The following RYR3 variants were observed in gnomAD, a reference collection of about 807,000 sequenced individuals.
RYR3 encodes ryanodine receptor 3.
In RYR3, 207 loss-of-function variants were observed where a neutral mutation model predicts 584.3. The ratio of observed to expected loss-of-function variants is 0.35; its 90% CI spans 0.32 to 0.40. RYR3 has a LOEUF of 0.40. Among genes scored for constraint, RYR3 ranks in the 10% least tolerant of loss-of-function variants. The pLI, the probability that RYR3 is intolerant of heterozygous loss-of-function variation, is 1.00. For synonymous variants in RYR3, 2,416 were observed against 2,248.5 expected (o/e 1.07, Z -2.11); for missense variants, 5,616 against 6,089.2 (o/e 0.92, Z 2.59).
chr15:33,344,046 T>G (rs1972141012), intron 1 of RYR3, among the ~76,000 whole-genome samples: 2 of 152,212 alleles, frequency 1.3e-5, no homozygotes, highest in Non-Finnish European at 1.5e-5. Flanking sequence ...GTCGCAAGCT[T>G]AAATTCAAAA....
In RYR3 at chr15:33,660,418, G is replaced by A; in HGVS notation, c.4617G>A (p.Glu1539=). The A allele has an allele frequency of 6.4e-7, 1 of 1,558,800 alleles. No homozygotes were observed. The highest frequency in any genetic ancestry group is 8.7e-7 in the Non-Finnish European group (1 of 1,150,652). The part of the protein sequence containing the change: ...LQMMALHIPE[E]NRCVDILELC... ...TGATGGCGCTCCACATCCCCGAGGA[G>A]AACAGGTACCAGAGGGGCCCGCGAA... The change falls in exon 34 of 104, where the codon GAG becomes GAA. Residue 1539 remains glutamate (E), a synonymous_variant. Transcript: ENST00000634891.
rs2058510034 is a variant in RYR3, at chr15:33,579,992, G to A, written c.1285G>A (p.Ala429Thr). 6.2e-7 allele frequency: 1 copy of A among 1,611,426 alleles called. No homozygotes were observed. The highest frequency in any genetic ancestry group is 8.5e-7 in the Non-Finnish European group (1 of 1,178,736). Residue 429 changes from alanine (A) to threonine (T), a missense_variant, in exon 13 of 104, where the codon GCT (alanine) becomes ACT (threonine). Coordinates refer to ENST00000634891, the MANE Select transcript of RYR3 (RefSeq NM_001036.6). ...SQFVSGNNRT[A>T]APITLPIEEV... ...GGTTTTTAGCGGAAACAATCGCACA[G>A]CTGCCCCCATCACCCTGCCTATAGA...
chr15:33,814,186 A>G (rs1165568435), intron 74 of RYR3, among the ~76,000 whole-genome samples: 1 of 152,208 alleles, frequency 6.6e-6, no homozygotes, highest in Non-Finnish European at 1.5e-5. Flanking sequence ...CCTTGTCAAC[A>G]TAGGGAATAG....
intron 11 of RYR3, among the ~76,000 whole-genome samples, chr15:33,564,771 A>AT (rs1225960710): frequency 2.6e-5 from 4 of 152,292 alleles, no homozygotes; most frequent in African/African-American, 9.6e-5. Flanking sequence ...TTCTAGGACC[A>AT]TAGCCCGCAG....
intron 1 of RYR3, among the ~76,000 whole-genome samples, chr15:33,357,830 C>T (rs1974191875): frequency 6.6e-6 from 1 of 152,188 alleles, no homozygotes; most frequent in South Asian, 2.1e-4. Context: ...CCAGCAGTCA[C>T]CAGCGAGCCT....
At chr15:33,744,430 C>T (rs1470400590) in intron 52 of RYR3, among the ~76,000 whole-genome samples, 2 of 152,156 alleles carry the variant, frequency 1.3e-5, no homozygotes, top group Non-Finnish European at 2.9e-5. Context: ...TACCAGGCGG[C>T]GCTGATTATC....
intron 16 of RYR3, among the ~76,000 whole-genome samples, chr15:33,587,249 C>T (rs578250847): frequency 1.3e-5 from 2 of 152,334 alleles, no homozygotes; most frequent in South Asian, 2.1e-4. Flanking sequence ...AGATTCTCTG[C>T]GTTCCAACAT....
rs751710190 is a variant in RYR3 at position 33,819,770 on chromosome 15, A to G, written c.10721A>G (p.Asp3574Gly). ...ATTCTTTCCAGCAAATTGGAAGACGACCCTTTGTACACCTCCTATTCCAGC... is the reference window on the plus strand; with the variant it reads ...ATTCTTTCCAGCAAATTGGAAGACGGCCCTTTGTACACCTCCTATTCCAGC... ...ALTERSKLED[D>G]PLYTSYSSMM... The change falls in exon 77 of 104, where the codon GAC becomes GGC. Residue 3574 changes from aspartate (D) to glycine (G), a missense_variant. By Grantham distance (94) the Asp-to-Gly change is moderately conservative. Transcript: ENST00000634891. The G allele has an allele frequency of 6.5e-7, 1 of 1,542,942 alleles. No homozygotes were observed. Among genetic ancestry groups the G allele is most frequent in the South Asian group, 1.3e-5 (1 of 74,842 alleles).
At chr15:33,663,032 G>A in intron 35 of RYR3, 84 bp downstream of exon 35, 1 of 1,285,888 alleles carries the variant, frequency 7.8e-7, no homozygotes. Flanking sequence ...AGGATTAAAG[G>A]AGGTAAGGTA....
chr15:33,462,099 T>C (rs1363467382), intron 1 of RYR3, among the ~76,000 whole-genome samples: 1 of 152,224 alleles, frequency 6.6e-6, no homozygotes, highest in African/African-American at 2.4e-5. Flanking sequence ...TTGGAAACAC[T>C]TATTTTGCCT....
At chr15:33,860,724 T>TAAAC in intron 101 of RYR3, 65 bp downstream of exon 101, 1 of 1,229,824 alleles carries the variant, frequency 8.1e-7, no homozygotes, top group Non-Finnish European at 1.2e-6. Flanking sequence ...ATAGATTTTT[T>TAAAC]AAACAATAGG....
chr15:33,611,111 G>T (rs564006224), intron 18 of RYR3, among the ~76,000 whole-genome samples: 1 of 152,132 alleles, frequency 6.6e-6, no homozygotes, highest in Admixed American at 6.5e-5. Context: ...ATATCCATCA[G>T]GTGGGGATTT....
intron 3 of RYR3, among the ~76,000 whole-genome samples, chr15:33,515,564 A>G (rs1161840846): frequency 3.9e-5 from 6 of 152,144 alleles, no homozygotes; most frequent in African/African-American, 9.7e-5. Context: ...ACTTCTTACT[A>G]TGTCTTTCCC....
At chr15:33,494,690 T>G (rs2051264525) in intron 2 of RYR3, among the ~76,000 whole-genome samples, 1 of 152,214 alleles carries the variant, frequency 6.6e-6, no homozygotes, top group African/African-American at 2.4e-5. Context: ...GCTATAAGTT[T>G]AAATTTTCTG....
chr15:33,503,508 C>A, intron 2 of RYR3, 123 bp from the exon 3 acceptor site: 1 of 622,356 alleles, frequency 1.6e-6, no homozygotes, highest in Admixed American at 2.8e-5. Flanking sequence ...CACCTTTTTG[C>A]ATTCCTATTC....
At chr15:33,723,526 G>A (rs938040994) in intron 44 of RYR3, among the ~76,000 whole-genome samples, 5 of 152,104 alleles carry the variant, frequency 3.3e-5, no homozygotes, top group Admixed American at 2.0e-4. Context: ...AGGTTAGACC[G>A]TAGAATCTAG....
chr15:33,311,502 G>T lies in RYR3; in HGVS notation c.51+406G>T, dbSNP rs1301186853. Among the ~76,000 whole-genome samples, 1 of 152,174 alleles carries T rather than the reference G, an allele frequency of 6.6e-6. No homozygotes were observed. Among genetic ancestry groups the T allele is most frequent in the Non-Finnish European group, 1.5e-5 (1 of 68,016 alleles). Reference sequence around the variant, plus strand: ...TCTGACACCTCCATACTCCACCCCAGCCCCATTCCTCTTCCAGGGCGCCCC... The same window carrying T: ...TCTGACACCTCCATACTCCACCCCATCCCCATTCCTCTTCCAGGGCGCCCC... On this transcript the variant is annotated intron_variant, in intron 1 of 103. Coordinates refer to ENST00000634891, the MANE Select transcript of RYR3 (RefSeq NM_001036.6). The surrounding 1 kb of genome is among the most constrained non-coding windows in gnomAD (Gnocchi z 4.4).
intron 98 of RYR3, chr15:33,856,893 G>A (rs551793079): frequency 3.3e-5 from 5 of 152,168 alleles, no homozygotes; most frequent in Admixed American, 1.3e-4. Flanking sequence ...TCCTGACCTC[G>A]TGATCCGCCC....
rs575950320 is a variant in RYR3, at chr15:33,819,922, G to T, written c.10758+115G>T. The T allele has an allele frequency of 1.3e-4, 89 of 699,738 alleles. 2 individuals carry two copies. The Admixed American group carries it at 1.9e-3, about 15-fold the overall frequency. The allele number at this position is 699,738 out of a possible 1,614,324, so 43.3% of individuals were successfully genotyped here. A position where few individuals can be genotyped will look rare whatever the true frequency, so the allele number is the denominator to read the frequency against. ...GGCCTGGGACTTTGTCATGACATAG[G>T]TTTCAGGCATTGCACAATTCATGTG... On this transcript the variant is annotated intron_variant, in intron 77 of 103. Transcript: ENST00000634891.
Sources: gnomAD v4.1 joint callset for allele counts (sites outside exome capture counted in the v4.1 genomes callset) on GRCh38, gnomAD v4.1.1 for gene constraint, Gnocchi (gnomAD v3.1) non-coding constraint, MANE v1.5 for transcripts, NCBI Gene and HGNC (gene_info 2026-07-23, HGNC 2026-07-21) for gene names.